GSDMA: variants seen among roughly 807,000 people sequenced by gnomAD.
The protein encoded by GSDMA is gasdermin A.
A neutral mutation model predicts 54.3 loss-of-function variants in GSDMA; 55 were observed. The ratio of observed to expected loss-of-function variants is 1.01; its 90% CI spans 0.82 to 1.27. The LOEUF is 1.27. GSDMA is among the 50% of genes most tolerant of loss of function. The pLI is 0.00. For missense variants in GSDMA, 542 were observed against 542.6 expected, an observed-to-expected ratio of 1.00 and a Z score of 0.01; for synonymous variants, 211 against 224.7, an observed-to-expected ratio of 0.94 and a Z score of 0.54.
chr17:39,966,047 C>T, intron 2 of GSDMA, 146 bp downstream of exon 2: 1 of 831,088 alleles, frequency 1.2e-6, no homozygotes, highest in Non-Finnish European at 1.9e-6. Context: ...GCTGAGGAGG[C>T]TGGTGGTCGG....
intron 7 of GSDMA, among the ~76,000 whole-genome samples, chr17:39,973,273 T>G (rs1425064382): frequency 4.3e-5 from 2 of 46,724 alleles, no homozygotes; most frequent in African/African-American, 1.4e-4. Flanking sequence ...GCGCCTGGCC[T>G]TTTTTTTTTT....
At chr17:39,971,687 G>A in intron 5 of GSDMA, 67 bp downstream of exon 5, 1 of 1,173,388 alleles carries the variant, frequency 8.5e-7, no homozygotes, top group Non-Finnish European at 1.3e-6. Context: ...GAGGCACCCT[G>A]GTCCCCTCTT....
Position 39,966,320 on chromosome 17 carries a change from A to G in GSDMA, c.275A>G (p.Asp92Gly). The change falls in exon 3 of 12, where the codon GAT (aspartate) becomes GGT (glycine). Residue 92 changes from aspartate (D) to glycine (G), a missense_variant. Physicochemically the swap from Asp to Gly is moderately conservative, Grantham distance 94 (BLOSUM62 -1). Coordinates refer to ENST00000301659, the MANE Select transcript of GSDMA (RefSeq NM_178171.5). ...ATGCTGGACACCCGAGTGGAGGGAG[A>G]TGTGGATGTACCAAAGACGGTGAAG... The part of the protein sequence containing the change: ...KNMLDTRVEG[D>G]VDVPKTVKVK... 6.2e-7 allele frequency: 1 copy of G among 1,613,868 alleles called. No individual in the cohort carries two copies. Among genetic ancestry groups the G allele is most frequent in the East Asian group, 2.2e-5 (1 of 44,874 alleles).
chr17:39,970,090 G>C (rs539054078), intron 3 of GSDMA, among the ~76,000 whole-genome samples: 2 of 151,184 alleles, frequency 1.3e-5, no homozygotes, highest in Middle Eastern at 3.4e-3. Context: ...AGGAAAGAGG[G>C]GGGGAGCATC....
intron 3 of GSDMA, among the ~76,000 whole-genome samples, chr17:39,968,461 C>A (rs767541559): frequency 6.7e-6 from 1 of 149,354 alleles, no homozygotes; most frequent in Non-Finnish European, 1.5e-5. Flanking sequence ...AGTCCTCCTG[C>A]CTCAGCCTCC....
intron 3 of GSDMA, 77 bp downstream of exon 3, chr17:39,966,514 C>T (rs1979677393): frequency 7.6e-7 from 1 of 1,321,110 alleles, no homozygotes; most frequent in African/African-American, 1.5e-5. Context: ...GGGCCTTGAG[C>T]TGAAAGGTAG....
chr17:39,966,353 G>C lies in GSDMA; in HGVS notation c.308G>C (p.Gly103Ala). The C allele has an allele frequency of 6.2e-7, 1 of 1,613,976 alleles. No homozygotes were observed. The highest frequency in any genetic ancestry group is 8.5e-7 in the Non-Finnish European group (1 of 1,179,884). Residue 103 changes from glycine to alanine, a missense_variant, in exon 3 of 12, where the codon GGA becomes GCA. Transcript: ENST00000301659. ...GTACCAAAGACGGTGAAGGTGAAGG[G>C]AACGGCAGGGCTCTCGCAGAACAGC... ...VDVPKTVKVK[G>A]TAGLSQNSTL...
chr17:39,967,385 G>C (rs1370253416), intron 3 of GSDMA, among the ~76,000 whole-genome samples: 1 of 152,190 alleles, frequency 6.6e-6, no homozygotes, highest in East Asian at 1.9e-4. Context: ...AGGGCTGGGA[G>C]AAGGGTATTA....
At chr17:39,970,088 G>T (rs1046306393) in intron 3 of GSDMA, among the ~76,000 whole-genome samples, 2 of 151,212 alleles carry the variant, frequency 1.3e-5, no homozygotes, top group Non-Finnish European at 2.9e-5. Context: ...GGAGGAAAGA[G>T]GGGGGGAGCA....
At chr17:39,968,925 C>T (rs1246778545) in intron 3 of GSDMA, among the ~76,000 whole-genome samples, 1 of 152,108 alleles carries the variant, frequency 6.6e-6, no homozygotes, top group Admixed American at 6.6e-5. Context: ...TTGTGAGTTC[C>T]TTTTGGATGT....
chr17:39,973,957 C>T, intron 8 of GSDMA, 127 bp downstream of exon 8: 1 of 943,172 alleles, frequency 1.1e-6, no homozygotes, highest in Admixed American at 2.3e-5. Flanking sequence ...TTTCTTTCTC[C>T]ACTTTTTGCT....
At chr17:39,966,027 A>C (rs921832742) in intron 2 of GSDMA, 126 bp downstream of exon 2, 14 of 917,768 alleles carry the variant, frequency 1.5e-5, no homozygotes, top group Non-Finnish European at 2.3e-5. Context: ...GCCCAAAGTC[A>C]TCATCAGGAG....
At chr17:39,973,426 C>G (rs554970867) in intron 7 of GSDMA, among the ~76,000 whole-genome samples, 1 of 150,174 alleles carries the variant, frequency 6.7e-6, no homozygotes, top group Non-Finnish European at 1.5e-5. Context: ...CGGGCCACCA[C>G]ACTCGGCGAA....
chr17:39,974,833 A>T (rs1980126880), intron 9 of GSDMA, 67 bp from the exon 10 acceptor site: 1 of 836,000 alleles, frequency 1.2e-6, no homozygotes, highest in African/African-American at 1.7e-5. Flanking sequence ...AGGGGTTATT[A>T]TGTGCTGGGC....
At chr17:39,966,910 C>T (rs945644026) in intron 3 of GSDMA, among the ~76,000 whole-genome samples, 4 of 152,332 alleles carry the variant, frequency 2.6e-5, no homozygotes, top group African/African-American at 7.2e-5. Context: ...TGCCTGACCC[C>T]AATACACACT....
At chr17:39,975,267 G>A (rs1980153103) in intron 10 of GSDMA, among the ~76,000 whole-genome samples, 1 of 152,108 alleles carries the variant, frequency 6.6e-6, no homozygotes, top group African/African-American at 2.4e-5. Flanking sequence ...TGGCCAACAT[G>A]GTGAAACCCC....
intron 1 of GSDMA, among the ~76,000 whole-genome samples, chr17:39,964,880 A>G (rs939712693): frequency 1.3e-5 from 2 of 151,696 alleles, no homozygotes; most frequent in Admixed American, 1.3e-4. Flanking sequence ...TAATCCCAGC[A>G]CTTCGGGAGG....
intron 1 of GSDMA, among the ~76,000 whole-genome samples, chr17:39,964,443 C>A (rs1441921695): frequency 6.6e-6 from 1 of 152,154 alleles, no homozygotes; most frequent in South Asian, 2.1e-4. Flanking sequence ...GTGGCACACA[C>A]CTGCAGTCCC....
In GSDMA at chr17:39,965,614, C is replaced by T. The variant is rs1979609471; in HGVS notation, c.-5-69C>T. 4.3e-6 allele frequency: 5 copies of T among 1,163,468 alleles called. No homozygotes were observed. In the Admixed American group the frequency reaches 7.9e-5, roughly 18 times the overall value. 72.1% of individuals were successfully genotyped at this position (1,163,468 alleles called of 1,614,324 possible). A position where few individuals can be genotyped will look rare whatever the true frequency, so the allele number is the denominator to read the frequency against. ...GTAAACTCTCTCTGCAGGGGCCCAG[C>T]CTATATCCCGGGCTCCTTGGCAGCC... On this transcript the variant is annotated intron_variant, in intron 1 of 11. Transcript: ENST00000301659.
Sources: gnomAD v4.1 joint callset for allele counts (sites outside exome capture counted in the v4.1 genomes callset) on GRCh38, gnomAD v4.1.1 for gene constraint, MANE v1.5 for transcripts, NCBI Gene and HGNC (gene_info 2026-07-23, HGNC 2026-07-21) for gene names.